KLHL32: variants seen among roughly 807,000 people sequenced by gnomAD.
KLHL32 encodes the protein kelch like family member 32, also known as kelch-like protein 32.
KLHL32 carries 35 observed loss-of-function variants against 64.8 expected under a neutral mutation model. The observed-to-expected ratio is 0.54, with a 90% CI of 0.41 to 0.72. KLHL32 has a LOEUF of 0.72. Ranked by LOEUF, KLHL32 falls within the 30% of genes least tolerant of loss-of-function variation. The pLI is 0.00. For synonymous variants in KLHL32, 259 were observed against 281.0 expected, an observed-to-expected ratio of 0.92 and a Z score of 0.78; for missense variants, 589 against 768.5, an observed-to-expected ratio of 0.77 and a Z score of 2.76.
intron 1 of KLHL32, among the ~76,000 whole-genome samples, chr6:96,941,946 A>G (rs1032641892): frequency 2.6e-5 from 4 of 152,216 alleles, no homozygotes; most frequent in South Asian, 2.1e-4. Flanking sequence ...CCTTATTCCT[A>G]TGCAAAATGC....
intron 4 of KLHL32, among the ~76,000 whole-genome samples, chr6:97,059,853 T>G (rs1487460468): frequency 6.6e-6 from 1 of 152,126 alleles, no homozygotes; most frequent in African/African-American, 2.4e-5. Flanking sequence ...CATTTGATGA[T>G]TATAAATTCA....
At position 97,083,419 on chromosome 6, in the gene KLHL32, A is replaced by G. The variant is rs535569046; in HGVS notation, c.412-1707A>G. 3.1e-3 allele frequency among the ~76,000 whole-genome samples: 475 copies of G among 151,188 alleles called. 2 individuals carry two copies. Among genetic ancestry groups the G allele is most frequent in the African/African-American group, 0.011 (463 of 41,186 alleles). ...AAAAAAAAAAAATTGTACTTGGGGA[A>G]TAACAGAGATTCAGTGACTGACCCG... On this transcript the variant is annotated intron_variant, in intron 5 of 10. Coordinates refer to ENST00000369261, the MANE Select transcript of KLHL32 (RefSeq NM_052904.4).
rs566758112 is a variant in KLHL32 at position 97,119,520 on chromosome 6, G to A, written c.1354+5011G>A. Among the ~76,000 whole-genome samples, 3 of 152,312 alleles carry A rather than the reference G, an allele frequency of 2.0e-5. No homozygotes were observed. In the East Asian group the frequency reaches 5.8e-4, roughly 29 times the overall value. On this transcript the variant is annotated intron_variant, in intron 7 of 10. Coordinates refer to ENST00000369261, the MANE Select transcript of KLHL32 (RefSeq NM_052904.4). The stretch of plus-strand genomic sequence containing the variant: ...ACTGCATTTTTTAATTGGGAAAATT[G>A]TAGTGAAAGCAGTTTCAGGAAATTG...
chr6:96,935,569 C>A (rs1275507861), intron 1 of KLHL32, among the ~76,000 whole-genome samples: 1 of 152,122 alleles, frequency 6.6e-6, no homozygotes, highest in African/African-American at 2.4e-5. Flanking sequence ...GAACTTGCAG[C>A]CTCATTAGGT....
At chr6:97,081,727 A>C (rs1792553037) in intron 5 of KLHL32, among the ~76,000 whole-genome samples, 1 of 152,066 alleles carries the variant, frequency 6.6e-6, no homozygotes, top group African/African-American at 2.4e-5. Context: ...TGTAGCTTTT[A>C]CCTCAGTTAT....
chr6:97,081,737 T>C (rs1291414001), intron 5 of KLHL32, among the ~76,000 whole-genome samples: 3 of 152,228 alleles, frequency 2.0e-5, no homozygotes, highest in African/African-American at 4.8e-5. Context: ...ACCTCAGTTA[T>C]AGTTTTCCAT....
intron 5 of KLHL32, among the ~76,000 whole-genome samples, chr6:97,068,848 C>T (rs987947615): frequency 6.6e-5 from 10 of 152,168 alleles, no homozygotes; most frequent in Admixed American, 6.5e-4. Flanking sequence ...TGGCAAATTA[C>T]TCTATGCTAT....
At chr6:97,067,515 G>T (rs1246520594) in intron 5 of KLHL32, among the ~76,000 whole-genome samples, 1 of 152,134 alleles carries the variant, frequency 6.6e-6, no homozygotes, top group Non-Finnish European at 1.5e-5. Flanking sequence ...CAGTCTGCTT[G>T]TTTCTAGCCT....
In KLHL32 at chr6:96,930,784, G is replaced by C. The variant is rs565595500; in HGVS notation, c.-66+5758G>C. 5.3e-5 allele frequency among the ~76,000 whole-genome samples: 8 copies of C among 152,170 alleles called. No homozygotes were observed. In the East Asian group the frequency reaches 1.5e-3, roughly 29 times the overall value. On this transcript the variant is annotated intron_variant, in intron 1 of 10. Coordinates refer to ENST00000369261, the MANE Select transcript of KLHL32 (RefSeq NM_052904.4). ...TGTCTTTTCTCTCTGACAAGCCACT[G>C]TTCCCTCTTTTATGCAGCTCCTGGA...
chr6:96,975,493 G>A (rs1228369545), intron 2 of KLHL32, among the ~76,000 whole-genome samples: 1 of 152,144 alleles, frequency 6.6e-6, no homozygotes, highest in African/African-American at 2.4e-5. Context: ...CATTTGCTCA[G>A]TTTTCTTGTA....
At chr6:96,947,345 T>A (rs76092111) in intron 1 of KLHL32, among the ~76,000 whole-genome samples, 2,331 of 152,350 alleles carry the variant, frequency 0.015, 28 homozygotes, top group Middle Eastern at 0.048. Flanking sequence ...AATTCATGAA[T>A]TGTTCATTGC....
chr6:97,030,338 A>G (rs1401322458), intron 3 of KLHL32, among the ~76,000 whole-genome samples: 1 of 152,238 alleles, frequency 6.6e-6, no homozygotes, highest in South Asian at 2.1e-4. Flanking sequence ...ACATGACTCA[A>G]GAAAACGTCA....
intron 6 of KLHL32, among the ~76,000 whole-genome samples, chr6:97,103,245 G>A (rs549046217): frequency 1.4e-5 from 2 of 139,390 alleles, no homozygotes; most frequent in Non-Finnish European, 3.0e-5. Context: ...ACGGCGTCTC[G>A]CTCTGTCACC....
chr6:97,114,662 T>C, intron 7 of KLHL32, 153 bp downstream of exon 7: 1 of 807,322 alleles, frequency 1.2e-6, no homozygotes, highest in Non-Finnish European at 2.0e-6. Flanking sequence ...GAGCACCTAC[T>C]CTAGAGAGCA....
chr6:97,018,647 G>A (rs911559269), intron 3 of KLHL32, among the ~76,000 whole-genome samples: 1 of 151,222 alleles, frequency 6.6e-6, no homozygotes, highest in Non-Finnish European at 1.5e-5. Flanking sequence ...ATAAAGAAAT[G>A]TACCTCAGAA....
At chr6:97,036,018 T>C (rs1784244973) in intron 3 of KLHL32, among the ~76,000 whole-genome samples, 1 of 152,132 alleles carries the variant, frequency 6.6e-6, no homozygotes, top group South Asian at 2.1e-4. Flanking sequence ...TCTTTACTCC[T>C]TTTTATTCTT....
chr6:96,995,486 A>G (rs921372631), intron 3 of KLHL32, among the ~76,000 whole-genome samples: 6 of 152,140 alleles, frequency 3.9e-5, no homozygotes, highest in African/African-American at 1.4e-4. Context: ...CTTCCTGCTA[A>G]GGTATTCCTG....
intron 5 of KLHL32, among the ~76,000 whole-genome samples, chr6:97,078,462 G>T (rs1268573735): frequency 6.6e-6 from 1 of 152,172 alleles, no homozygotes; most frequent in Non-Finnish European, 1.5e-5. Context: ...ACAAAGCATT[G>T]TTAAAATAGC....
intron 8 of KLHL32, among the ~76,000 whole-genome samples, chr6:97,129,730 A>T (rs1799234110): frequency 6.6e-6 from 1 of 152,074 alleles, no homozygotes; most frequent in Non-Finnish European, 1.5e-5. Context: ...AAAAATACAA[A>T]AATCAGCCAG....
Sources: allele counts gnomAD v4.1 joint callset (sites outside exome capture counted in the v4.1 genomes callset), GRCh38; gene constraint gnomAD v4.1.1; transcripts MANE v1.5; gene names NCBI Gene and HGNC (gene_info 2026-07-23, HGNC 2026-07-21).